The following SCAPER variants were observed in gnomAD, a reference collection of about 807,000 sequenced individuals.
The protein encoded by SCAPER is S-phase cyclin A associated protein in the ER, also known as S phase cyclin A-associated protein in the endoplasmic reticulum.
SCAPER carries 98 observed loss-of-function variants against 182.2 expected under a neutral mutation model. The observed-to-expected ratio is 0.54, with a 90% CI of 0.46 to 0.64. The LOEUF is 0.64. Ranked by LOEUF, SCAPER falls within the 30% of genes least tolerant of loss-of-function variation. The pLI is 0.00. For synonymous variants in SCAPER, 605 were observed against 564.6 expected (o/e 1.07, Z -1.01); for missense variants, 1,432 against 1,690.0 (o/e 0.85, Z 2.68).
intron 22 of SCAPER, among the ~76,000 whole-genome samples, chr15:76,582,742 A>G (rs965511551): frequency 5.3e-5 from 8 of 152,196 alleles, no homozygotes; most frequent in African/African-American, 1.9e-4. Flanking sequence ...GTACTTACAT[A>G]AAGACAGACA....
chr15:76,828,042 A>C (rs1279386874), intron 5 of SCAPER, among the ~76,000 whole-genome samples: 1 of 152,108 alleles, frequency 6.6e-6, no homozygotes, highest in East Asian at 1.9e-4. Context: ...TGGTGCATTT[A>C]TTAAGAGGAG....
intron 24 of SCAPER, among the ~76,000 whole-genome samples, chr15:76,497,106 C>CTTTTTTTT: frequency 1.3e-4 from 1 of 7,570 alleles, no homozygotes; most frequent in African/African-American, 2.1e-4. Context: ...GTTTTGGTCT[C>CTTTTTTTT]CTCTTTTTTT....
At chr15:76,865,888 A>ATTAAGG (rs2072253984) in intron 2 of SCAPER, among the ~76,000 whole-genome samples, 2 of 152,258 alleles carry the variant, frequency 1.3e-5, no homozygotes, top group Middle Eastern at 3.4e-3. Flanking sequence ...TCATCTACTT[A>ATTAAGG]CCTGACTCAT....
At chr15:76,776,204 C>T (rs1392106303) in intron 8 of SCAPER, among the ~76,000 whole-genome samples, 1 of 152,114 alleles carries the variant, frequency 6.6e-6, no homozygotes, top group African/African-American at 2.4e-5. Flanking sequence ...CATCAATAGG[C>T]AAAGACAAAA....
intron 29 of SCAPER, among the ~76,000 whole-genome samples, chr15:76,357,188 A>ACACC (rs774672151): frequency 8.7e-5 from 13 of 149,188 alleles, no homozygotes; most frequent in South Asian, 8.5e-4. Context: ...ACACACACAC[A>ACACC]CCCCTATGGC....
At chr15:76,886,365 A>C (rs2073840499) in intron 1 of SCAPER, among the ~76,000 whole-genome samples, 1 of 152,188 alleles carries the variant, frequency 6.6e-6, no homozygotes, top group African/African-American at 2.4e-5. Flanking sequence ...CTGTAATCCC[A>C]GCTACTTGGG....
intron 27 of SCAPER, among the ~76,000 whole-genome samples, chr15:76,391,155 C>G (rs2043665424): frequency 6.6e-6 from 1 of 152,180 alleles, no homozygotes; most frequent in Non-Finnish European, 1.5e-5. Context: ...GGAACATCCA[C>G]TTCAAGGTCT....
chr15:76,733,667 T>C (rs770664079), intron 15 of SCAPER, among the ~76,000 whole-genome samples: 1 of 151,750 alleles, frequency 6.6e-6, no homozygotes, highest in Non-Finnish European at 1.5e-5. Context: ...GGCAGGAGAA[T>C]TGCTGGAACC....
At chr15:76,568,764 T>TG (rs2047225131) in intron 23 of SCAPER, among the ~76,000 whole-genome samples, 2 of 152,184 alleles carry the variant, frequency 1.3e-5, no homozygotes, top group Admixed American at 1.3e-4. Context: ...AACAAAGTGT[T>TG]GGACTTTTAA....
intron 14 of SCAPER, among the ~76,000 whole-genome samples, chr15:76,755,169 G>C (rs2062343839): frequency 6.6e-6 from 1 of 152,108 alleles, no homozygotes; most frequent in Non-Finnish European, 1.5e-5. Context: ...AGTAAGAGAA[G>C]AACTGTGATT....
chr15:76,741,805 T>C lies in SCAPER; in HGVS notation c.1867-8421A>G, dbSNP rs138782355. ...TGAAATATGGAATTCAGTAAAGCAG[T>C]TGGTTTGGGATAAAGGAGATGGTGA... On this transcript the variant is annotated intron_variant, in intron 15 of 31. Coordinates refer to ENST00000563290, the MANE Select transcript of SCAPER (RefSeq NM_020843.4). Among the ~76,000 whole-genome samples the C allele has an allele frequency of 3.3e-3, 495 of 152,214 alleles. 5 individuals are homozygous for C. The highest frequency in any genetic ancestry group is 0.011 in the African/African-American group (471 of 41,538).
At chr15:76,740,921 A>T (rs1162457025) in intron 15 of SCAPER, among the ~76,000 whole-genome samples, 1 of 152,108 alleles carries the variant, frequency 6.6e-6, no homozygotes, top group Non-Finnish European at 1.5e-5. Flanking sequence ...ACGAGTGCTA[A>T]TTTTCTCATC....
intron 23 of SCAPER, among the ~76,000 whole-genome samples, chr15:76,554,773 C>T (rs1478050481): frequency 6.7e-6 from 1 of 149,534 alleles, no homozygotes; most frequent in Non-Finnish European, 1.5e-5. Flanking sequence ...AGATTGGGGG[C>T]CTATATTCAG....
intron 2 of SCAPER, among the ~76,000 whole-genome samples, chr15:76,880,287 TA>T (rs1389920392): frequency 2.0e-5 from 3 of 152,222 alleles, no homozygotes; most frequent in African/African-American, 7.2e-5. Context: ...ACAGTTGTCC[TA>T]AAATAAATGG....
chr15:76,358,214 C>T (rs2041137625), intron 29 of SCAPER, among the ~76,000 whole-genome samples: 1 of 152,210 alleles, frequency 6.6e-6, no homozygotes, highest in African/African-American at 2.4e-5. Context: ...CTAAACAGAA[C>T]ACAAGAGAGA....
chr15:76,460,631 T>C (rs2049097303), intron 25 of SCAPER, among the ~76,000 whole-genome samples: 1 of 152,168 alleles, frequency 6.6e-6, no homozygotes, highest in African/African-American at 2.4e-5. Context: ...CTTCTCCTTT[T>C]GGATATCCAG....
intron 22 of SCAPER, among the ~76,000 whole-genome samples, chr15:76,588,336 C>T (rs1318582866): frequency 2.0e-5 from 3 of 152,204 alleles, no homozygotes; most frequent in Non-Finnish European, 4.4e-5. Context: ...CATCTTTCAT[C>T]ATTATATAAT....
At chr15:76,569,688 T>C (rs1018048000) in intron 23 of SCAPER, among the ~76,000 whole-genome samples, 2 of 152,092 alleles carry the variant, frequency 1.3e-5, no homozygotes, top group African/African-American at 4.8e-5. Context: ...ATTTTCATCA[T>C]ATATTATATC....
chr15:76,527,292 T>C (rs2043283392), intron 23 of SCAPER, among the ~76,000 whole-genome samples: 1 of 152,236 alleles, frequency 6.6e-6, no homozygotes, highest in African/African-American at 2.4e-5. Context: ...GTTTGTAGTT[T>C]TGGTTTGCAG....
Sources: gnomAD v4.1 joint callset for allele counts (sites outside exome capture counted in the v4.1 genomes callset) on GRCh38, gnomAD v4.1.1 for gene constraint, MANE v1.5 for transcripts, NCBI Gene and HGNC (gene_info 2026-07-23, HGNC 2026-07-21) for gene names.